The following FRMPD3 variants were observed in gnomAD, a reference collection of about 807,000 sequenced individuals.
FRMPD3 encodes the protein FERM and PDZ domain-containing protein 3.
In FRMPD3, 42 loss-of-function variants were observed where a neutral mutation model predicts 97.9. The observed-to-expected ratio is 0.43, with a 90% CI of 0.34 to 0.55. The LOEUF is 0.55. Among genes scored for constraint, FRMPD3 ranks in the 20% least tolerant of loss-of-function variants. FRMPD3 has a pLI of 0.03. For synonymous variants in FRMPD3, 577 were observed against 581.1 expected, an observed-to-expected ratio of 0.99 and a Z score of 0.10; for missense variants, 1,303 against 1,457.7, an observed-to-expected ratio of 0.89 and a Z score of 1.73.
At chrX:107,548,574 G>C (rs1315158767) in intron 5 of FRMPD3, among the ~76,000 whole-genome samples, 1 of 112,854 alleles carries the variant, frequency 8.9e-6, no homozygotes, top group Admixed American at 9.4e-5. Flanking sequence ...AGATAAATAG[G>C]ACATGGTCTT....
chrX:107,507,915 G>C (rs966212647), intron 1 of FRMPD3, among the ~76,000 whole-genome samples: 1 of 112,261 alleles, frequency 8.9e-6, no homozygotes, highest in Non-Finnish European at 1.9e-5. Flanking sequence ...ATTGTGCTAA[G>C]CTCTTTACCT....
intron 1 of FRMPD3, among the ~76,000 whole-genome samples, chrX:107,516,051 G>C (rs1249103316): frequency 9.8e-4 from 80 of 81,243 alleles, no homozygotes; most frequent in African/African-American, 3.8e-3. Context: ...ACAGGCCCTG[G>C]TGTGTGATGT....
Position 107,565,029 on chromosome X carries a change from G to C in FRMPD3, c.1259G>C (p.Gly420Ala). 8.3e-7 allele frequency: 1 copy of C among 1,199,810 alleles called. No homozygotes were observed. The highest frequency in any genetic ancestry group is 1.1e-6 in the Non-Finnish European group (1 of 889,585). ...SKIQLFRENQGVARVETSIMD... is the reference protein window; with the variant it reads ...SKIQLFRENQAVARVETSIMD... Reference sequence around the variant, plus strand: ...ATCCAGCTGTTCCGGGAGAACCAGGGCGTGGCCCGGGTGGAGACCAGCATC... The same window carrying C: ...ATCCAGCTGTTCCGGGAGAACCAGGCCGTGGCCCGGGTGGAGACCAGCATC... The change falls in exon 12 of 15, where the codon GGC becomes GCC. Residue 420 changes from glycine to alanine, a missense_variant. This residue lies in a region of FRMPD3 where 535 missense variants were observed against 618.6 expected (regional missense o/e 0.86). Transcript: ENST00000683843.
chrX:107,476,345 G>A (rs1450027740), intron 1 of FRMPD3, among the ~76,000 whole-genome samples: 1 of 112,633 alleles, frequency 8.9e-6, no homozygotes, highest in Non-Finnish European at 1.9e-5. Flanking sequence ...AGGAAAAAAG[G>A]TATATGATCA....
intron 8 of FRMPD3, among the ~76,000 whole-genome samples, chrX:107,557,346 A>G (rs1320172033): frequency 9.2e-6 from 1 of 109,255 alleles, no homozygotes. Flanking sequence ...AGAGTTCTTT[A>G]TATACTCTGG....
In FRMPD3 at chrX:107,600,725, C is replaced by A. The variant is rs1924457467; in HGVS notation, c.2686C>A (p.Pro896Thr). ...ACAGAAGAATCTGAGTCTGCTGTCC[C>A]CAGTTCCTGAGGACAAAGGGCCTGG... ...SEQKNLSLLS[P>T]VPEDKGPGHT... Residue 896 changes from proline to threonine, a missense_variant, in exon 15 of 15, where the codon CCA (proline) becomes ACA (threonine). Pro to Thr is a conservative substitution (Grantham distance 38). Coordinates refer to ENST00000683843, the MANE Select transcript of FRMPD3 (RefSeq NM_001388459.1). The A allele has an allele frequency of 8.3e-7, 1 of 1,201,079 alleles. No individual in the cohort carries two copies. Among genetic ancestry groups the A allele is most frequent in the Admixed American group, 2.2e-5 (1 of 44,860 alleles).
Position 107,530,389 on chromosome X carries a change from C to G in FRMPD3, c.149-20C>G, listed in dbSNP as rs767843930. On this transcript the variant is annotated intron_variant, in intron 2 of 14. Transcript: ENST00000683843. ...CAGCAGTAACCCTAAGCCCTCACACCTCTCTCCTCTCCTTTGCAGGAGGCC... is the reference window on the plus strand; with the variant it reads ...CAGCAGTAACCCTAAGCCCTCACACGTCTCTCCTCTCCTTTGCAGGAGGCC... The G allele has an allele frequency of 8.7e-7, 1 of 1,147,376 alleles. No individual in the cohort carries two copies. The highest frequency in any genetic ancestry group is 1.2e-6 in the Non-Finnish European group (1 of 852,295). 94.6% of individuals were successfully genotyped at this position (1,147,376 alleles called of 1,213,427 possible).
At chrX:107,497,882 G>GCCTGTGTTTCTGGATGTGTTTCTGTGT (rs1921812456) in intron 1 of FRMPD3, among the ~76,000 whole-genome samples, 1 of 111,735 alleles carries the variant, frequency 8.9e-6, no homozygotes, top group Non-Finnish European at 1.9e-5. Flanking sequence ...CCAACGTGTG[G>GCCTGTGTTTCTGGATGTGTTTCTGTGT]CCCTGCCTGT....
At chrX:107,539,056 G>GAAA (rs777332443) in intron 4 of FRMPD3, among the ~76,000 whole-genome samples, 2 of 105,075 alleles carry the variant, frequency 1.9e-5, no homozygotes, top group Non-Finnish European at 3.9e-5. Flanking sequence ...AGCAGAGACA[G>GAAA]AAAAAAAAAA....
At chrX:107,553,050 C>T in intron 7 of FRMPD3, 124 bp downstream of exon 7, 3 of 761,287 alleles carry the variant, frequency 3.9e-6, no homozygotes, top group Non-Finnish European at 5.5e-6. Flanking sequence ...ACAGTTCTCA[C>T]CCAAAGCTGG....
At chrX:107,468,061 T>C (rs1931606291) in intron 1 of FRMPD3, among the ~76,000 whole-genome samples, 1 of 111,708 alleles carries the variant, frequency 9.0e-6, no homozygotes, top group Non-Finnish European at 1.9e-5. Context: ...AGATCACCTC[T>C]TTGGAAAGTT....
intron 5 of FRMPD3, among the ~76,000 whole-genome samples, chrX:107,547,017 A>G (rs1487947850): frequency 8.9e-6 from 1 of 111,803 alleles, no homozygotes. Context: ...AACCCAGGGG[A>G]CTACAGGACC....
intron 8 of FRMPD3, among the ~76,000 whole-genome samples, chrX:107,557,249 T>C (rs988388270): frequency 1.8e-5 from 2 of 112,005 alleles, no homozygotes; most frequent in Non-Finnish European, 3.8e-5. Flanking sequence ...TTCATGTGTT[T>C]ATTTGATGCT....
chrX:107,458,820 G>A (rs1484218434), intron 1 of FRMPD3, among the ~76,000 whole-genome samples: 2 of 111,575 alleles, frequency 1.8e-5, no homozygotes, highest in African/African-American at 6.5e-5. Context: ...CAGCCTATAA[G>A]ATACTACAGC....
chrX:107,602,057 G>C lies in FRMPD3; in HGVS notation c.4018G>C (p.Gly1340Arg). 3 of 1,195,635 alleles carry C rather than the reference G, an allele frequency of 2.5e-6. No individual in the cohort carries two copies. Among genetic ancestry groups the C allele is most frequent in the Non-Finnish European group, 3.4e-6 (3 of 887,340 alleles). ...PSQRQPEAGP[G>R]VSLSSPINVQ... ...CCAGAGGCAGCCAGAGGCTGGCCCAGGCGTGAGCCTCAGCAGCCCCATCAA... is the reference window on the plus strand; with the variant it reads ...CCAGAGGCAGCCAGAGGCTGGCCCACGCGTGAGCCTCAGCAGCCCCATCAA... The change falls in exon 15 of 15, where the codon GGC becomes CGC. Residue 1340 changes from glycine to arginine, a missense_variant. Physicochemically the swap from Gly to Arg is moderately radical, Grantham distance 125. Around this residue, in one of 3 missense-constraint regions of FRMPD3, gnomAD observed 764 missense variants for 820.2 expected, o/e 0.93. Transcript: ENST00000683843.
intron 1 of FRMPD3, chrX:107,522,624 C>G: frequency 4.8e-6 from 2 of 420,120 alleles, no homozygotes; most frequent in African/African-American, 2.5e-5. Context: ...GGAGGAGGAA[C>G]AGTCACCTAG....
intron 1 of FRMPD3, chrX:107,525,600 C>T: frequency 3.6e-6 from 2 of 559,071 alleles, no homozygotes; most frequent in South Asian, 4.4e-5. Flanking sequence ...TTCAGGCCTG[C>T]TGGCAGCCCC....
rs1221558829 is a variant in FRMPD3 at position 107,573,150 on chromosome X, T to C, written c.1297-3165T>C. Among the ~76,000 whole-genome samples, 3 of 111,149 alleles carry C rather than the reference T, an allele frequency of 2.7e-5. No individual in the cohort carries two copies. The East Asian group carries it at 8.5e-4, about 31-fold the overall frequency. On this transcript the variant is annotated intron_variant, in intron 12 of 14. Transcript: ENST00000683843. ...TGAGGCAGCTTGCGGCCAAAGGCAATAGGACTGAGAAGCCGAGAGGCTCAG... is the reference window on the plus strand; with the variant it reads ...TGAGGCAGCTTGCGGCCAAAGGCAACAGGACTGAGAAGCCGAGAGGCTCAG...
chrX:107,472,566 C>T (rs985495209), intron 1 of FRMPD3, among the ~76,000 whole-genome samples: 2 of 111,015 alleles, frequency 1.8e-5, no homozygotes, highest in African/African-American at 3.3e-5. Context: ...AATCCTTCAC[C>T]GGCAACCAAG....
Sources: gnomAD v4.1 joint callset for allele counts (sites outside exome capture counted in the v4.1 genomes callset) on GRCh38, gnomAD v4.1.1 for gene constraint, gnomAD v4.1.1 regional missense constraint, MANE v1.5 for transcripts, NCBI Gene and HGNC (gene_info 2026-07-23, HGNC 2026-07-21) for gene names.